SLIT2: variants seen among roughly 807,000 people sequenced by gnomAD.
SLIT2 encodes the protein slit guidance ligand 2.
Under a neutral mutation model 185.7 loss-of-function variants are expected in SLIT2, and 41 were observed. That is an observed-to-expected ratio of 0.22 (90% CI 0.17 to 0.29). The LOEUF (loss-of-function observed/expected upper bound fraction) is 0.29. SLIT2 is among the 10% of genes least tolerant of loss of function. SLIT2 has a pLI of 1.00. For missense variants in SLIT2, 1,571 were observed against 1,909.0 expected, an observed-to-expected ratio of 0.82 and a Z score of 3.30; for synonymous variants, 693 against 680.2, an observed-to-expected ratio of 1.02 and a Z score of -0.29.
intron 4 of SLIT2, among the ~76,000 whole-genome samples, chr4:20,295,904 C>T (rs565874362): frequency 2.6e-5 from 4 of 152,296 alleles, no homozygotes; most frequent in East Asian, 1.9e-4. Flanking sequence ...GCATCACATG[C>T]TCAAATTAAC....
In SLIT2 at chr4:20,277,340, A is replaced by G. The variant is rs1229465972; in HGVS notation, c.395+8459A>G. On this transcript the variant is annotated intron_variant, in intron 4 of 36. Transcript: ENST00000504154. ...CATTATAAACTTTTTAAGGAAGACA[A>G]ACAGTTTAACCTTGACCCTTTAAAA... Among the ~76,000 whole-genome samples the G allele has an allele frequency of 2.6e-5, 4 of 152,154 alleles. No individual in the cohort carries two copies. The South Asian group carries it at 8.3e-4, about 32-fold the overall frequency.
At chr4:20,566,700 TAC>T (rs1725120132) in intron 26 of SLIT2, among the ~76,000 whole-genome samples, 1 of 152,082 alleles carries the variant, frequency 6.6e-6, no homozygotes, top group Non-Finnish European at 1.5e-5. Flanking sequence ...TAATGAAGGT[TAC>T]ACTTTTGGTT....
At chr4:20,444,295 A>G (rs1560428214) in intron 4 of SLIT2, among the ~76,000 whole-genome samples, 1 of 152,116 alleles carries the variant, frequency 6.6e-6, no homozygotes, top group African/African-American at 2.4e-5. Flanking sequence ...ATTTAAGGAG[A>G]ATTATTGGGG....
intron 4 of SLIT2, among the ~76,000 whole-genome samples, chr4:20,331,830 T>C (rs1471594665): frequency 2.0e-5 from 3 of 152,164 alleles, no homozygotes; most frequent in Non-Finnish European, 4.4e-5. Flanking sequence ...TCTGTCTCCA[T>C]GTATTTGCCA....
chr4:20,566,910 A>T (rs896089580), intron 26 of SLIT2, among the ~76,000 whole-genome samples: 1 of 152,028 alleles, frequency 6.6e-6, no homozygotes, highest in African/African-American at 2.4e-5. Context: ...AGGCATGTCC[A>T]TGAAGCAGGA....
intron 5 of SLIT2, among the ~76,000 whole-genome samples, chr4:20,468,357 T>A (rs1316354308): frequency 6.6e-6 from 1 of 152,100 alleles, no homozygotes; most frequent in Non-Finnish European, 1.5e-5. Context: ...ACCCTTTGCA[T>A]TAAATACCAA....
chr4:20,421,251 C>T (rs1728156157), intron 4 of SLIT2, among the ~76,000 whole-genome samples: 1 of 152,188 alleles, frequency 6.6e-6, no homozygotes, highest in African/African-American at 2.4e-5. Flanking sequence ...AAGTCAGTCA[C>T]AGCTTTCAGA....
chr4:20,337,620 A>G (rs1469117728), intron 4 of SLIT2, among the ~76,000 whole-genome samples: 1 of 152,180 alleles, frequency 6.6e-6, no homozygotes, highest in East Asian at 1.9e-4. Flanking sequence ...TGAAACTTAG[A>G]TAACTTGACA....
intron 4 of SLIT2, among the ~76,000 whole-genome samples, chr4:20,445,874 G>A (rs1008083862): frequency 4.6e-5 from 7 of 152,140 alleles, no homozygotes; most frequent in South Asian, 4.1e-4. Flanking sequence ...GTTCCTGAGC[G>A]TGTCAAGTGG....
At chr4:20,400,441 T>G (rs899038866) in intron 4 of SLIT2, among the ~76,000 whole-genome samples, 1 of 151,928 alleles carries the variant, frequency 6.6e-6, no homozygotes, top group East Asian at 1.9e-4. Context: ...GAGTATACTA[T>G]GTTTTCAAGG....
intron 4 of SLIT2, among the ~76,000 whole-genome samples, chr4:20,325,853 T>A (rs1355659589): frequency 6.6e-6 from 1 of 152,166 alleles, no homozygotes; most frequent in Non-Finnish European, 1.5e-5. Flanking sequence ...TTTTTATAGT[T>A]GACCATAATT....
At chr4:20,471,438 G>A (rs1366964811) in intron 5 of SLIT2, among the ~76,000 whole-genome samples, 4 of 152,090 alleles carry the variant, frequency 2.6e-5, no homozygotes, top group Non-Finnish European at 4.4e-5. Flanking sequence ...GGTGTAAGAA[G>A]AAGGTACAGT....
chr4:20,332,147 T>A lies in SLIT2; in HGVS notation c.395+63266T>A, dbSNP rs1006471241. 4.6e-5 allele frequency among the ~76,000 whole-genome samples: 7 copies of A among 152,104 alleles called. No homozygotes were observed. The East Asian group carries it at 1.2e-3, about 25-fold the overall frequency. On this transcript the variant is annotated intron_variant, in intron 4 of 36. Transcript: ENST00000504154. ...ATTCTCTTGTGTATATACCTGGAAG[T>A]GTTACTTATTTCCTTTCCAATCTGG...
intron 19 of SLIT2, among the ~76,000 whole-genome samples, chr4:20,540,491 A>C (rs1722710192): frequency 6.6e-6 from 1 of 152,112 alleles, no homozygotes; most frequent in African/African-American, 2.4e-5. Flanking sequence ...AGAATTCAAG[A>C]AAAGTAAATA....
chr4:20,611,362 T>A (rs1729208687), intron 34 of SLIT2, among the ~76,000 whole-genome samples: 1 of 152,204 alleles, frequency 6.6e-6, no homozygotes, highest in South Asian at 2.1e-4. Flanking sequence ...AAGTCTTTGG[T>A]TCAATTCTGT....
chr4:20,435,760 A>T (rs1243333634), intron 4 of SLIT2, among the ~76,000 whole-genome samples: 2 of 152,206 alleles, frequency 1.3e-5, no homozygotes, highest in Admixed American at 6.5e-5. Context: ...ATGAAGTCAT[A>T]GGTGTAAGCA....
chr4:20,305,588 C>T lies in SLIT2; in HGVS notation c.395+36707C>T, dbSNP rs1577399889. Among the ~76,000 whole-genome samples, 3 of 152,068 alleles carry T rather than the reference C, an allele frequency of 2.0e-5. 1 individual carries two copies. The highest frequency in any genetic ancestry group is 6.5e-5 in the Admixed American group (1 of 15,284). Reference sequence around the variant, plus strand: ...TTGTAAAAATGTGTAATTAAGCAATCCTGACCGGGCATGGTGGCTCATGCC... The same window carrying T: ...TTGTAAAAATGTGTAATTAAGCAATTCTGACCGGGCATGGTGGCTCATGCC... On this transcript the variant is annotated intron_variant, in intron 4 of 36. Coordinates refer to ENST00000504154, the MANE Select transcript of SLIT2 (RefSeq NM_004787.4).
intron 4 of SLIT2, among the ~76,000 whole-genome samples, chr4:20,389,231 GTAT>G (rs1166690242): frequency 2.0e-5 from 3 of 151,432 alleles, no homozygotes; most frequent in Non-Finnish European, 4.4e-5. Context: ...TTATTATAGG[GTAT>G]TATTATCATC....
chr4:20,536,415 G>A (rs1030822656), intron 18 of SLIT2, among the ~76,000 whole-genome samples: 30 of 151,968 alleles, frequency 2.0e-4, no homozygotes, highest in Admixed American at 1.4e-3. Flanking sequence ...AAAATTAGCC[G>A]GGCATAGTGG....
Sources: allele counts gnomAD v4.1 joint callset (sites outside exome capture counted in the v4.1 genomes callset), GRCh38; gene constraint gnomAD v4.1.1; transcripts MANE v1.5; gene names NCBI Gene and HGNC (gene_info 2026-07-23, HGNC 2026-07-21).